Variants in POFUT3 observed in about 807,000 individuals in gnomAD.
The protein encoded by POFUT3 is GDP-fucose protein O-fucosyltransferase 3.
At chr8:33,385,151 T>G in the POFUT3 span, among the ~76,000 whole-genome samples, 1 of 152,184 alleles carries the variant, frequency 6.6e-6, no homozygotes, top group Non-Finnish European at 1.5e-5. Flanking sequence ...TAGAACTGAC[T>G]AATCTCACCC....
the POFUT3 span, among the ~76,000 whole-genome samples, chr8:33,368,316 C>G: frequency 6.6e-6 from 1 of 152,180 alleles, no homozygotes; most frequent in Non-Finnish European, 1.5e-5. Flanking sequence ...CACTTCTCCT[C>G]AAACACCTCT....
the POFUT3 span, among the ~76,000 whole-genome samples, chr8:33,465,886 T>C: frequency 4.6e-5 from 7 of 152,132 alleles, no homozygotes; most frequent in Non-Finnish European, 7.4e-5. Context: ...TTGTGAAAAG[T>C]ACAGAAATAA....
the POFUT3 span, among the ~76,000 whole-genome samples, chr8:33,340,134 T>C: frequency 6.6e-6 from 1 of 152,108 alleles, no homozygotes; most frequent in African/African-American, 2.4e-5. Context: ...GGTTTCTATA[T>C]CTCACTCAAG....
the POFUT3 span, among the ~76,000 whole-genome samples, chr8:33,393,820 G>A: frequency 6.6e-6 from 1 of 152,298 alleles, no homozygotes; most frequent in African/African-American, 2.4e-5. Flanking sequence ...TTTAGCACAC[G>A]AATGATGTGG....
the POFUT3 span, among the ~76,000 whole-genome samples, chr8:33,315,567 T>G: frequency 6.6e-6 from 1 of 152,034 alleles, no homozygotes; most frequent in Non-Finnish European, 1.5e-5. Flanking sequence ...TGTCCTGCCT[T>G]GTCTTCAGGA....
chr8:33,464,636 G>A, the POFUT3 span, among the ~76,000 whole-genome samples: 1 of 152,196 alleles, frequency 6.6e-6, no homozygotes, highest in Non-Finnish European at 1.5e-5. Flanking sequence ...AAATAAATTA[G>A]CCAGGCATGG....
the POFUT3 span, chr8:33,389,415 G>A: frequency 1.9e-6 from 3 of 1,614,196 alleles, no homozygotes; most frequent in Non-Finnish European, 2.5e-6. Flanking sequence ...TTCAGCTGCT[G>A]AGGGAGGTCT....
At chr8:33,370,583 AG>A in the POFUT3 span, among the ~76,000 whole-genome samples, 1 of 152,238 alleles carries the variant, frequency 6.6e-6, no homozygotes, top group South Asian at 2.1e-4. Flanking sequence ...AAATTTGTTC[AG>A]GGATACATAC....
chr8:33,369,872 A>G, the POFUT3 span, among the ~76,000 whole-genome samples: 1 of 152,176 alleles, frequency 6.6e-6, no homozygotes, highest in Admixed American at 6.6e-5. Flanking sequence ...CTTAACAGCA[A>G]CAAAGAAGCC....
chr8:33,326,520 C>G, the POFUT3 span, among the ~76,000 whole-genome samples: 1 of 151,908 alleles, frequency 6.6e-6, no homozygotes, highest in Non-Finnish European at 1.5e-5. Context: ...ACATATAGTT[C>G]ATTTAATTGA....
At chr8:33,382,804 C>T in the POFUT3 span, among the ~76,000 whole-genome samples, 1 of 152,238 alleles carries the variant, frequency 6.6e-6, no homozygotes, top group Admixed American at 6.5e-5. Flanking sequence ...GGTAAGAGTA[C>T]CGCCCTCTAG....
At chr8:33,402,618 G>A in the POFUT3 span, among the ~76,000 whole-genome samples, 1 of 152,042 alleles carries the variant, frequency 6.6e-6, no homozygotes, top group Admixed American at 6.6e-5. Flanking sequence ...AGAATCCCGA[G>A]TAATACAATG....
the POFUT3 span, among the ~76,000 whole-genome samples, chr8:33,339,270 A>G: frequency 5.1e-4 from 78 of 152,236 alleles, 2 homozygotes; most frequent in Admixed American, 6.5e-5. Context: ...TTATAAAACT[A>G]AAACATACAA....
the POFUT3 span, among the ~76,000 whole-genome samples, chr8:33,364,319 T>C: frequency 6.6e-6 from 1 of 152,200 alleles, no homozygotes; most frequent in Non-Finnish European, 1.5e-5. Context: ...AATATCATAC[T>C]GAATGGGCAA....
chr8:33,317,707 TC>T, the POFUT3 span, among the ~76,000 whole-genome samples: 71 of 151,778 alleles, frequency 4.7e-4, no homozygotes, highest in Non-Finnish European at 9.1e-4. Flanking sequence ...CCCTCCTTTT[TC>T]CCCCCAGCAA....
At chr8:33,424,608 A>T in the POFUT3 span, among the ~76,000 whole-genome samples, 5 of 152,184 alleles carry the variant, frequency 3.3e-5, no homozygotes, top group Non-Finnish European at 4.4e-5. Flanking sequence ...TACCACTCAC[A>T]GCTGAGATCC....
At chr8:33,467,110 A>C in the POFUT3 span, among the ~76,000 whole-genome samples, 1 of 151,198 alleles carries the variant, frequency 6.6e-6, no homozygotes, top group African/African-American at 2.4e-5. Flanking sequence ...TGTCTCAAAA[A>C]AAACACACAA....
chr8:33,446,917 G>A, the POFUT3 span, among the ~76,000 whole-genome samples: 1 of 152,176 alleles, frequency 6.6e-6, no homozygotes, highest in South Asian at 2.1e-4. Context: ...TCCCTCCTGG[G>A]TGTGCCTCTC....
chr8:33,453,201 G>C, the POFUT3 span: 1 of 1,610,400 alleles, frequency 6.2e-7, no homozygotes, highest in African/African-American at 1.3e-5. Flanking sequence ...GGAGAAAGGC[G>C]AAAGTCCTGC....
Sources: allele counts gnomAD v4.1 joint callset (sites outside exome capture counted in the v4.1 genomes callset), GRCh38; gene constraint gnomAD v4.1.1; transcripts MANE v1.5; gene names NCBI Gene and HGNC (gene_info 2026-07-23, HGNC 2026-07-21).